Variants in PRMT8 observed in about 807,000 individuals in gnomAD.
The protein encoded by PRMT8 is protein arginine N-methyltransferase 8.
Under a neutral mutation model 47.1 loss-of-function variants are expected in PRMT8, and 7 were observed. That is an observed-to-expected ratio of 0.15 (90% confidence interval 0.08 to 0.28). The LOEUF is 0.28. Among genes scored for constraint, PRMT8 ranks in the 10% least tolerant of loss-of-function variants. PRMT8 has a pLI of 1.00. For synonymous variants in PRMT8, 188 were observed against 186.5 expected, an observed-to-expected ratio of 1.01 and a Z score of -0.07; for missense variants, 237 against 505.4, an observed-to-expected ratio of 0.47 and a Z score of 5.09.
chr12:3,575,455 G>A (rs1378211786), intron 6 of PRMT8, among the ~76,000 whole-genome samples: 2 of 152,240 alleles, frequency 1.3e-5, no homozygotes, highest in Admixed American at 6.5e-5. Flanking sequence ...TGCTAAAGCT[G>A]TCCTCTCTGC....
At chr12:3,519,992 C>T (rs917674480) in intron 1 of PRMT8, among the ~76,000 whole-genome samples, 1 of 152,180 alleles carries the variant, frequency 6.6e-6, no homozygotes, top group Non-Finnish European at 1.5e-5. Flanking sequence ...AAAGAGGATG[C>T]CACTTTGCCA....
chr12:3,540,564 C>G, intron 1 of PRMT8, 42 bp from the exon 2 acceptor site: 1 of 1,365,550 alleles, frequency 7.3e-7, no homozygotes, highest in Non-Finnish European at 1.0e-6. Flanking sequence ...GGCGGGACCC[C>G]GTTGTCTCTC....
chr12:3,497,289 C>T (rs529074608), intron 1 of PRMT8, among the ~76,000 whole-genome samples: 1 of 152,268 alleles, frequency 6.6e-6, no homozygotes, highest in Admixed American at 6.5e-5. Context: ...TCTGAAAGGT[C>T]ATTCTGTCCA....
At chr12:3,539,673 C>T (rs950994604) in intron 1 of PRMT8, among the ~76,000 whole-genome samples, 4 of 152,168 alleles carry the variant, frequency 2.6e-5, no homozygotes, top group Non-Finnish European at 5.9e-5. Context: ...GCTCTGTGGA[C>T]CCCCATCTCC....
intron 1 of PRMT8, among the ~76,000 whole-genome samples, chr12:3,521,346 G>T (rs1166834248): frequency 1.3e-5 from 2 of 152,202 alleles, no homozygotes; most frequent in African/African-American, 4.8e-5. Context: ...GGCCGAGGCA[G>T]GCGGATCACT....
chr12:3,415,950 A>C (rs939873719), intron 1 of PRMT8, among the ~76,000 whole-genome samples: 7 of 152,192 alleles, frequency 4.6e-5, no homozygotes, highest in Non-Finnish European at 1.0e-4. Flanking sequence ...GGGACAAACT[A>C]GGGCTGCCTG....
rs558681617 is a variant in PRMT8 at position 3,569,130 on chromosome 12, G to A, written c.624+282G>A. On this transcript the variant is annotated intron_variant, in intron 5 of 9. Transcript: ENST00000382622. This position sits in a 1 kb window ranked among gnomAD's most constrained non-coding sequence, Gnocchi z 8.2. ...TCTTGTCGAGTTAAAGGTCCGTTTC[G>A]GTCAGCAAGTACTTAGGACTTGCAT... Among the ~76,000 whole-genome samples the A allele has an allele frequency of 6.6e-4, 100 of 152,112 alleles. No homozygotes were observed. The highest frequency in any genetic ancestry group is 9.3e-4 in the Non-Finnish European group (63 of 68,022).
In PRMT8 at chr12:3,436,757, T is replaced by G. The variant is rs1375853430; in HGVS notation, c.48+55315T>G. ...TATTTCCAGCGGATCGATTGCAGCA[T>G]CTCCCCGACAGCATGGAGGCCTGGG... On this transcript the variant is annotated intron_variant, in intron 1 of 9. Coordinates refer to the PRMT8 transcript ENST00000452611. The surrounding 1 kb of genome is among the most constrained non-coding windows in gnomAD (Gnocchi z 4.2). Among the ~76,000 whole-genome samples the G allele has an allele frequency of 6.6e-6, 1 of 152,136 alleles. No individual in the cohort carries two copies. The highest frequency in any genetic ancestry group is 1.5e-5 in the Non-Finnish European group (1 of 68,020).
At position 3,404,806 on chromosome 12, in the gene PRMT8, A is replaced by G. The variant is rs531391960; in HGVS notation, c.48+23364A>G. Among the ~76,000 whole-genome samples, 4 of 152,324 alleles carry G rather than the reference A, an allele frequency of 2.6e-5. No homozygotes were observed. In the East Asian group the frequency reaches 7.7e-4, roughly 29 times the overall value. Reference sequence around the variant, plus strand: ...TTTAATTTTGTCAATTTTTGTTAAAATATATTAAAACTATGTAGTTGCATG... The same window carrying G: ...TTTAATTTTGTCAATTTTTGTTAAAGTATATTAAAACTATGTAGTTGCATG... On this transcript the variant is annotated intron_variant, in intron 1 of 9. Transcript: ENST00000452611.
intron 1 of PRMT8, among the ~76,000 whole-genome samples, chr12:3,519,990 T>C (rs1052208488): frequency 6.6e-6 from 1 of 152,196 alleles, no homozygotes; most frequent in East Asian, 1.9e-4. Flanking sequence ...CGAAAGAGGA[T>C]GCCACTTTGC....
At chr12:3,393,052 T>C (rs534383896) in intron 1 of PRMT8, among the ~76,000 whole-genome samples, 16 of 152,346 alleles carry the variant, frequency 1.1e-4, no homozygotes, top group Non-Finnish European at 1.5e-4. Flanking sequence ...CACTTTTTGA[T>C]GGGGTTGTTT....
rs1035666305 is a variant in PRMT8 at position 3,572,308 on chromosome 12, TAGAG to T, written c.712+2747_712+2750del. ...TGTGCAAGGTGTAGTATTTAACTCT[TAGAG>T]AGGAGCAATCATTTTACACACATTT... On this transcript the variant is annotated intron_variant, in intron 6 of 9. Coordinates refer to ENST00000382622, the MANE Select transcript of PRMT8 (RefSeq NM_019854.5). This position sits in a 1 kb window ranked among gnomAD's most constrained non-coding sequence, Gnocchi z 5.9. 1.3e-5 allele frequency among the ~76,000 whole-genome samples: 2 copies of T among 152,180 alleles called. No individual in the cohort carries two copies. Among genetic ancestry groups the T allele is most frequent in the African/African-American group, 4.8e-5 (2 of 41,442 alleles).
In PRMT8 at chr12:3,549,980, C is replaced by T; in HGVS notation, c.306C>T (p.Ser102=). 1 of 1,614,182 alleles carries T rather than the reference C, an allele frequency of 6.2e-7. No homozygotes were observed. The highest frequency in any genetic ancestry group is 1.1e-5 in the South Asian group (1 of 91,070). ...TGCGGACTCTCACTTACCGGAACTC[C>T]ATGTACCACAACAAGCACGTGTTCA... ...DEVRTLTYRN[S]MYHNKHVFKD... is the part of the protein sequence containing the mutation. Residue 102 remains serine, a synonymous_variant, in exon 3 of 10, where the codon TCC becomes TCT. Transcript: ENST00000382622.
At position 3,576,172 on chromosome 12, in the gene PRMT8, G is replaced by C. The variant is rs1866940428; in HGVS notation, c.713-699G>C. 6.6e-6 allele frequency among the ~76,000 whole-genome samples: 1 copy of C among 152,194 alleles called. No homozygotes were observed. Among genetic ancestry groups the C allele is most frequent in the African/African-American group, 2.4e-5 (1 of 41,456 alleles). ...AGCACGGCTGACAAGGAGAGGGTTTGTGCTCCACTTGGGGGTAGTTCCTAA... is the reference window on the plus strand; with the variant it reads ...AGCACGGCTGACAAGGAGAGGGTTTCTGCTCCACTTGGGGGTAGTTCCTAA... On this transcript the variant is annotated intron_variant, in intron 6 of 9. Transcript: ENST00000382622. This position sits in a 1 kb window ranked among gnomAD's most constrained non-coding sequence, Gnocchi z 4.0.
rs967894762 is a variant in PRMT8, at chr12:3,508,674, G to A, written c.75+16974G>A. On this transcript the variant is annotated intron_variant, in intron 1 of 9. Transcript: ENST00000382622. This position sits in a 1 kb window ranked among gnomAD's most constrained non-coding sequence, Gnocchi z 4.9. The stretch of plus-strand genomic sequence containing the variant: ...GTCACCTTCTCTGCCTGCTGTCTCC[G>A]GGTGACCCCATCCACTCTCTCAGCG... Among the ~76,000 whole-genome samples, 8 of 152,070 alleles carry A rather than the reference G, an allele frequency of 5.3e-5. No individual in the cohort carries two copies. Among genetic ancestry groups the A allele is most frequent in the African/African-American group, 1.4e-4 (6 of 41,384 alleles).
chr12:3,472,576 C>G (rs1330432664), intron 1 of PRMT8, among the ~76,000 whole-genome samples: 1 of 152,180 alleles, frequency 6.6e-6, no homozygotes, highest in East Asian at 1.9e-4. Context: ...AGGATAATGC[C>G]CACTTAGAAG....
At chr12:3,441,860 A>C (rs1864806593) in intron 1 of PRMT8, among the ~76,000 whole-genome samples, 1 of 152,230 alleles carries the variant, frequency 6.6e-6, no homozygotes, top group African/African-American at 2.4e-5. Context: ...ACAATTCTCT[A>C]ATGGAGATCA....
At chr12:3,421,088 G>C (rs1864535740) in intron 1 of PRMT8, among the ~76,000 whole-genome samples, 1 of 152,178 alleles carries the variant, frequency 6.6e-6, no homozygotes, top group African/African-American at 2.4e-5. Context: ...TACCAATAGA[G>C]AGCCCTCCCA....
chr12:3,513,651 G>A (rs16930529), intron 1 of PRMT8, among the ~76,000 whole-genome samples: 3,490 of 152,194 alleles, frequency 0.023, 139 homozygotes, highest in African/African-American at 0.079. Context: ...GTTCCCTGCC[G>A]AATTTTCTCT....
Sources: gnomAD v4.1 joint callset for allele counts (sites outside exome capture counted in the v4.1 genomes callset) on GRCh38, gnomAD v4.1.1 for gene constraint, Gnocchi (gnomAD v3.1) non-coding constraint, MANE v1.5 for transcripts, NCBI Gene and HGNC (gene_info 2026-07-23, HGNC 2026-07-21) for gene names.